Variants in GALNT1 observed in about 807,000 individuals in gnomAD.
GALNT1 encodes polypeptide N-acetylgalactosaminyltransferase 1.
Under a neutral mutation model 65.7 loss-of-function variants are expected in GALNT1, and 17 were observed. The ratio of observed to expected loss-of-function variants is 0.26; its 90% CI spans 0.18 to 0.39. The LOEUF is 0.39. Among genes scored for constraint, GALNT1 ranks in the 10% least tolerant of loss-of-function variants. The pLI is 1.00. For synonymous variants in GALNT1, 210 were observed against 219.7 expected, an observed-to-expected ratio of 0.96 and a Z score of 0.39; for missense variants, 460 against 672.8, an observed-to-expected ratio of 0.68 and a Z score of 3.50.
chr18:35,622,671 CTAT>C (rs2046868035), intron 1 of GALNT1, among the ~76,000 whole-genome samples: 1 of 152,068 alleles, frequency 6.6e-6, no homozygotes, highest in Non-Finnish European at 1.5e-5. Flanking sequence ...CTTGGATTTT[CTAT>C]TATTTTTTGT....
At chr18:35,684,970 A>G (rs1598805570) in intron 5 of GALNT1, among the ~76,000 whole-genome samples, 1 of 152,218 alleles carries the variant, frequency 6.6e-6, no homozygotes, top group South Asian at 2.1e-4. Context: ...ATGAAAAATT[A>G]ATCCCACCAC....
At chr18:35,689,462 A>G (rs772189313) in intron 7 of GALNT1, among the ~76,000 whole-genome samples, 172 bp downstream of exon 7, 30 of 152,218 alleles carry the variant, frequency 2.0e-4, no homozygotes, top group Non-Finnish European at 7.3e-5. Context: ...ATTATAAACT[A>G]TTGAAGCAAA....
chr18:35,601,776 A>G (rs1230103749), intron 1 of GALNT1, among the ~76,000 whole-genome samples: 2 of 152,182 alleles, frequency 1.3e-5, no homozygotes, highest in Non-Finnish European at 2.9e-5. Context: ...CAGCAGTTAC[A>G]TGTTCAGTAA....
intron 3 of GALNT1, among the ~76,000 whole-genome samples, chr18:35,667,769 T>A (rs1373966802): frequency 2.0e-5 from 3 of 152,212 alleles, no homozygotes; most frequent in Non-Finnish European, 4.4e-5. Context: ...CATTTGAACA[T>A]GTTCTTCAGT....
intron 1 of GALNT1, among the ~76,000 whole-genome samples, chr18:35,636,243 G>C (rs1354858465): frequency 1.3e-5 from 2 of 152,108 alleles, no homozygotes; most frequent in Admixed American, 1.3e-4. Context: ...AATCTACCAG[G>C]ACAAATAGAG....
At chr18:35,663,511 C>A in intron 2 of GALNT1, 117 bp from the exon 3 acceptor site, 1 of 1,040,252 alleles carries the variant, frequency 9.6e-7, no homozygotes, top group Non-Finnish European at 1.4e-6. Context: ...AGAGGGTGGG[C>A]TCAGAAAGGG....
intron 1 of GALNT1, 31 bp downstream of exon 1, chr18:35,581,893 C>A: frequency 6.7e-6 from 1 of 150,054 alleles, no homozygotes; most frequent in South Asian, 1.8e-4. Flanking sequence ...TGGGCAGTCC[C>A]GGAGCCGCAG....
intron 9 of GALNT1, among the ~76,000 whole-genome samples, chr18:35,700,247 T>C (rs1485080455): frequency 6.6e-6 from 1 of 152,202 alleles, no homozygotes; most frequent in South Asian, 2.1e-4. Context: ...TCCCTTCAGC[T>C]ACAAAGAAGC....
chr18:35,687,839 G>A (rs764997116), intron 6 of GALNT1, among the ~76,000 whole-genome samples: 8 of 151,774 alleles, frequency 5.3e-5, no homozygotes, highest in Non-Finnish European at 8.8e-5. Flanking sequence ...CCATTGTACC[G>A]ACCTGCTACT....
chr18:35,697,912 G>A (rs552462062), intron 9 of GALNT1, among the ~76,000 whole-genome samples: 20 of 152,344 alleles, frequency 1.3e-4, no homozygotes, highest in African/African-American at 4.6e-4. Context: ...TTCCTATGAA[G>A]AGGACCATTA....
At chr18:35,626,570 G>C (rs1267820654) in intron 1 of GALNT1, among the ~76,000 whole-genome samples, 1 of 152,156 alleles carries the variant, frequency 6.6e-6, no homozygotes, top group African/African-American at 2.4e-5. Flanking sequence ...TGGTGTATCA[G>C]GATGCTTTTC....
intron 3 of GALNT1, among the ~76,000 whole-genome samples, chr18:35,673,387 A>T (rs1568029517): frequency 6.6e-6 from 1 of 152,224 alleles, no homozygotes; most frequent in Non-Finnish European, 1.5e-5. Context: ...TTGCAGATTT[A>T]ACTTGTAGTT....
At chr18:35,584,956 A>C (rs2046363371) in intron 1 of GALNT1, among the ~76,000 whole-genome samples, 1 of 152,238 alleles carries the variant, frequency 6.6e-6, no homozygotes, top group East Asian at 1.9e-4. Context: ...AATGTGTGCC[A>C]CACCCAGTGC....
intron 6 of GALNT1, among the ~76,000 whole-genome samples, chr18:35,687,487 A>T (rs890848073): frequency 3.9e-5 from 6 of 152,174 alleles, no homozygotes; most frequent in South Asian, 2.1e-4. Context: ...TAATTCAGTT[A>T]TTAAGGATAA....
At chr18:35,679,384 GAAT>G (rs1189386761) in intron 4 of GALNT1, among the ~76,000 whole-genome samples, 10 of 152,148 alleles carry the variant, frequency 6.6e-5, no homozygotes, top group Admixed American at 4.6e-4. Flanking sequence ...AGGCTGTGTA[GAAT>G]AATAAGTTTT....
At chr18:35,673,468 T>G (rs1221932571) in intron 3 of GALNT1, among the ~76,000 whole-genome samples, 1 of 152,234 alleles carries the variant, frequency 6.6e-6, no homozygotes, top group African/African-American at 2.4e-5. Context: ...CTGTAAAATT[T>G]GGAGAGTAAT....
chr18:35,616,440 G>T (rs2046784463), intron 1 of GALNT1, among the ~76,000 whole-genome samples: 1 of 152,134 alleles, frequency 6.6e-6, no homozygotes, highest in Non-Finnish European at 1.5e-5. Context: ...GGTAATTGTT[G>T]TTATGCTTTT....
intron 5 of GALNT1, among the ~76,000 whole-genome samples, chr18:35,686,556 T>C (rs1170599716): frequency 3.3e-5 from 5 of 152,172 alleles, no homozygotes; most frequent in African/African-American, 1.2e-4. Flanking sequence ...CATTTTTGTA[T>C]GTAATCTTGA....
chr18:35,608,018 AT>A (rs2046673002), intron 1 of GALNT1, among the ~76,000 whole-genome samples: 1 of 152,132 alleles, frequency 6.6e-6, no homozygotes, highest in African/African-American at 2.4e-5. Flanking sequence ...TATTTTAAAA[AT>A]AGGGATTTGG....
Sources: allele counts gnomAD v4.1 joint callset (sites outside exome capture counted in the v4.1 genomes callset), GRCh38; gene constraint gnomAD v4.1.1; transcripts MANE v1.5; gene names NCBI Gene and HGNC (gene_info 2026-07-23, HGNC 2026-07-21).